Variants in TCF4 observed in about 807,000 individuals in gnomAD.
TCF4 encodes SL3-3 enhancer factor 2.
TCF4 carries 3 observed loss-of-function variants against 82.1 expected under a neutral mutation model. The observed-to-expected ratio is 0.04, with a 90% CI of 0.02 to 0.09. The LOEUF is 0.09. Among genes scored for constraint, TCF4 ranks in the 10% least tolerant of loss-of-function variants. TCF4 has a pLI of 1.00. For missense variants in TCF4, 518 were observed against 852.7 expected, an observed-to-expected ratio of 0.61 and a Z score of 4.89; for synonymous variants, 276 against 309.6, an observed-to-expected ratio of 0.89 and a Z score of 1.14.
chr18:55,231,067 C>G (rs907314797), intron 17 of TCF4: 1 of 152,404 alleles, frequency 6.6e-6, no homozygotes, highest in African/African-American at 2.4e-5. Flanking sequence ...AAAAGGCCCT[C>G]TTTCTCTGCC....
At chr18:55,549,558 C>T (rs527310993) in intron 3 of TCF4, among the ~76,000 whole-genome samples, 92 of 152,216 alleles carry the variant, frequency 6.0e-4, no homozygotes, top group African/African-American at 2.1e-3. Context: ...TAGTCTAGGC[C>T]TACATAGGGT....
intron 3 of TCF4, among the ~76,000 whole-genome samples, chr18:55,493,496 G>A (rs995627975): frequency 1.3e-5 from 2 of 151,998 alleles, no homozygotes; most frequent in Non-Finnish European, 2.9e-5. Flanking sequence ...GGCTCAATAG[G>A]AAAAGGGAAG....
At chr18:55,356,339 C>G (rs1430989156) in intron 6 of TCF4, among the ~76,000 whole-genome samples, 1 of 152,026 alleles carries the variant, frequency 6.6e-6, no homozygotes, top group Non-Finnish European at 1.5e-5. Flanking sequence ...AGATGATAGC[C>G]TTATGGCCTA....
chr18:55,543,031 G>A (rs2097177618), intron 3 of TCF4, among the ~76,000 whole-genome samples: 1 of 152,040 alleles, frequency 6.6e-6, no homozygotes, highest in South Asian at 2.1e-4. Context: ...ACAGTGACCT[G>A]ACTGTTCCCA....
At position 55,341,259 on chromosome 18, in the gene TCF4, A is replaced by G. The variant is rs902065933; in HGVS notation, c.549+9100T>C. On this transcript the variant is annotated intron_variant, in intron 8 of 19. Transcript: ENST00000354452. The stretch of plus-strand genomic sequence containing the variant: ...CTCACTCCCAGCTCTGCCACTTACT[A>G]TGTGTGACCGCAGACATGTTTCTTC... Among the ~76,000 whole-genome samples, 10 of 152,132 alleles carry G rather than the reference A, an allele frequency of 6.6e-5. No homozygotes were observed. In the South Asian group the frequency reaches 1.7e-3, roughly 25 times the overall value.
chr18:55,421,464 C>A (rs534676811), intron 5 of TCF4, among the ~76,000 whole-genome samples: 1 of 152,166 alleles, frequency 6.6e-6, no homozygotes, highest in Non-Finnish European at 1.5e-5. Context: ...CTTAACAAGG[C>A]GTATTATAAT....
chr18:55,246,803 G>A (rs1186718723), intron 15 of TCF4, among the ~76,000 whole-genome samples: 1 of 151,938 alleles, frequency 6.6e-6, no homozygotes, highest in East Asian at 1.9e-4. Context: ...CGAAATACTT[G>A]ATAGTTGTGG....
chr18:55,373,726 T>C (rs540859700), intron 6 of TCF4, among the ~76,000 whole-genome samples: 22 of 152,106 alleles, frequency 1.4e-4, no homozygotes, highest in African/African-American at 4.3e-4. Context: ...GGTGGGAAGA[T>C]TGCTTGAAAC....
At chr18:55,256,031 G>A (rs943019692) in intron 14 of TCF4, among the ~76,000 whole-genome samples, 10 of 152,130 alleles carry the variant, frequency 6.6e-5, no homozygotes, top group Non-Finnish European at 1.2e-4. Context: ...TACGTATTTG[G>A]CCTTGGAAAA....
intron 8 of TCF4, among the ~76,000 whole-genome samples, chr18:55,300,265 G>T (rs901602539): frequency 6.6e-6 from 1 of 152,120 alleles, no homozygotes; most frequent in Non-Finnish European, 1.5e-5. Flanking sequence ...CTTAACTGTG[G>T]TACACTTCCA....
intron 2 of TCF4, among the ~76,000 whole-genome samples, chr18:55,611,109 C>T (rs2097706589): frequency 6.6e-6 from 1 of 152,090 alleles, no homozygotes; most frequent in South Asian, 2.1e-4. Context: ...GATTTTAATC[C>T]ACAGAGTCAA....
chr18:55,509,132 CT>C (rs1367536307), intron 3 of TCF4, among the ~76,000 whole-genome samples: 1 of 152,162 alleles, frequency 6.6e-6, no homozygotes, highest in African/African-American at 2.4e-5. Flanking sequence ...TGTCTTATTT[CT>C]GTAAGTCCTT....
chr18:55,570,563 C>T (rs765435922), intron 3 of TCF4, among the ~76,000 whole-genome samples: 2 of 151,882 alleles, frequency 1.3e-5, no homozygotes, highest in African/African-American at 2.4e-5. Context: ...GTTGTTTAAC[C>T]GAATTATCAA....
intron 3 of TCF4, among the ~76,000 whole-genome samples, chr18:55,503,320 A>T (rs1411517308): frequency 1.3e-5 from 2 of 152,220 alleles, no homozygotes; most frequent in African/African-American, 4.8e-5. Flanking sequence ...AAAGCCATAA[A>T]TTCAGTCTAG....
At chr18:55,598,731 C>T (rs1346963177) in intron 2 of TCF4, among the ~76,000 whole-genome samples, 7 of 152,076 alleles carry the variant, frequency 4.6e-5, no homozygotes, top group Non-Finnish European at 7.4e-5. Flanking sequence ...ATCAGGGTTG[C>T]GAAGCAATAG....
intron 12 of TCF4, 74 bp from the exon 13 acceptor site, chr18:55,260,101 T>C: frequency 2.6e-6 from 3 of 1,140,408 alleles, no homozygotes; most frequent in Non-Finnish European, 1.3e-6. Context: ...ACTACGAAGT[T>C]GTCAACGCAA....
chr18:55,310,855 C>T (rs1261849820), intron 8 of TCF4, among the ~76,000 whole-genome samples: 1 of 152,072 alleles, frequency 6.6e-6, no homozygotes, highest in Non-Finnish European at 1.5e-5. Context: ...AATGGTAATA[C>T]ACTTCCTCAT....
chr18:55,429,224 G>A (rs954111357), intron 5 of TCF4, among the ~76,000 whole-genome samples: 5 of 152,180 alleles, frequency 3.3e-5, no homozygotes, highest in African/African-American at 1.2e-4. Context: ...TCTCTGGCCA[G>A]GGCCCTGGGC....
chr18:55,537,522 G>C (rs1188406799), intron 3 of TCF4, among the ~76,000 whole-genome samples: 1 of 152,010 alleles, frequency 6.6e-6, no homozygotes, highest in Non-Finnish European at 1.5e-5. Flanking sequence ...CCCAGGAGGG[G>C]GTCAAGGCTG....
Sources: gnomAD v4.1 joint callset for allele counts (sites outside exome capture counted in the v4.1 genomes callset) on GRCh38, gnomAD v4.1.1 for gene constraint, MANE v1.5 for transcripts, NCBI Gene and HGNC (gene_info 2026-07-23, HGNC 2026-07-21) for gene names.